Variants in SUMF1 observed in about 807,000 individuals in gnomAD.
SUMF1 encodes the protein sulfatase modifying factor 1, also known as formylglycine-generating enzyme.
In SUMF1, 48 loss-of-function variants were observed where a neutral mutation model predicts 47.6. That is an observed-to-expected ratio of 1.01 (90% confidence interval 0.80 to 1.28). The LOEUF is 1.28. SUMF1 is among the 50% of genes most tolerant of loss of function. SUMF1 has a pLI of 0.00. For synonymous variants in SUMF1, 230 were observed against 192.1 expected, an observed-to-expected ratio of 1.20 and a Z score of -1.63; for missense variants, 571 against 485.4, an observed-to-expected ratio of 1.18 and a Z score of -1.66.
intron 8 of SUMF1, among the ~76,000 whole-genome samples, chr3:4,305,757 C>T (rs1223115460): frequency 6.6e-6 from 1 of 152,096 alleles, no homozygotes. Context: ...AGGCATGACT[C>T]CCCAGGTGCC....
At chr3:4,403,849 TC>T (rs1470768423) in intron 7 of SUMF1, among the ~76,000 whole-genome samples, 1 of 152,156 alleles carries the variant, frequency 6.6e-6, no homozygotes, top group Non-Finnish European at 1.5e-5. Context: ...AGAGGAGGTT[TC>T]CATTTCCCAC....
At chr3:4,464,860 T>C (rs1007545519) in intron 1 of SUMF1, among the ~76,000 whole-genome samples, 1 of 152,240 alleles carries the variant, frequency 6.6e-6, no homozygotes, top group African/African-American at 2.4e-5. Flanking sequence ...ACTAATTTGT[T>C]AATAAATTGA....
At chr3:4,227,325 C>T (rs2124978074) in intron 8 of SUMF1, among the ~76,000 whole-genome samples, 1 of 152,182 alleles carries the variant, frequency 6.6e-6, no homozygotes, top group East Asian at 1.9e-4. Flanking sequence ...GGATCGCCAC[C>T]CTGCAGAAGC....
chr3:4,412,078 G>A (rs540184563), intron 6 of SUMF1, among the ~76,000 whole-genome samples: 1 of 152,338 alleles, frequency 6.6e-6, no homozygotes, highest in East Asian at 1.9e-4. Context: ...TAATCTGGAT[G>A]AGTTGGAAAG....
intron 7 of SUMF1, among the ~76,000 whole-genome samples, chr3:4,392,623 ATATATATATATATATATCTACC>A (rs1352495064): frequency 1.1e-5 from 1 of 91,786 alleles, no homozygotes; most frequent in Non-Finnish European, 3.2e-5. Context: ...GTGTATATAT[ATATATATATATATATATCTACC>A]TATATATATA....
chr3:4,190,036 T>G (rs1327653638), intron 8 of SUMF1, among the ~76,000 whole-genome samples: 2 of 152,284 alleles, frequency 1.3e-5, no homozygotes, highest in East Asian at 3.9e-4. Context: ...CCAATTTAAC[T>G]TTTCCAAATA....
At chr3:4,291,503 T>C (rs1182095382) in intron 8 of SUMF1, among the ~76,000 whole-genome samples, 1 of 152,176 alleles carries the variant, frequency 6.6e-6, no homozygotes, top group Non-Finnish European at 1.5e-5. Context: ...ATGCCTCACT[T>C]TGTTCCAGAA....
intron 8 of SUMF1, among the ~76,000 whole-genome samples, chr3:4,253,562 A>G (rs1181569620): frequency 1.3e-4 from 19 of 151,038 alleles, no homozygotes; most frequent in South Asian, 6.3e-4. Flanking sequence ...ACCGGCTTAA[A>G]AAACGGCGCA....
At chr3:4,454,682 A>T (rs1341634658) in intron 1 of SUMF1, among the ~76,000 whole-genome samples, 1 of 152,240 alleles carries the variant, frequency 6.6e-6, no homozygotes, top group Non-Finnish European at 1.5e-5. Flanking sequence ...ATCCAAATGT[A>T]TATCAGCTGA....
chr3:4,335,680 C>T (rs1413450887), intron 8 of SUMF1, among the ~76,000 whole-genome samples: 1 of 152,128 alleles, frequency 6.6e-6, no homozygotes, highest in African/African-American at 2.4e-5. Context: ...CACAGTGGCT[C>T]ACACCTGTAA....
chr3:4,194,017 A>C (rs939349708), intron 8 of SUMF1, among the ~76,000 whole-genome samples: 2 of 152,162 alleles, frequency 1.3e-5, no homozygotes, highest in Non-Finnish European at 2.9e-5. Flanking sequence ...AGTAATTTTT[A>C]ATGCAGTCCA....
At chr3:4,113,918 G>T (rs1338998525) in intron 8 of SUMF1, among the ~76,000 whole-genome samples, 1 of 152,094 alleles carries the variant, frequency 6.6e-6, no homozygotes, top group African/African-American at 2.4e-5. Context: ...CCTTTAGATA[G>T]TGGTAATATG....
chr3:4,452,972 C>T lies in SUMF1; in HGVS notation c.348G>A (p.Ala116=), dbSNP rs774360387. Residue 116 remains alanine (A), a synonymous_variant, in exon 2 of 9, where the codon GCG becomes GCA. Coordinates refer to ENST00000272902, the MANE Select transcript of SUMF1 (RefSeq NM_182760.4). ...PQIKQDGEAP[A]RRVTIDAFYM... Reference sequence around the variant, plus strand: ...AAAAGGCATCAATAGTAACTCTCCTCGCAGGTGCTTCCCCATCCTGCTTTA... The same window carrying T: ...AAAAGGCATCAATAGTAACTCTCCTTGCAGGTGCTTCCCCATCCTGCTTTA... 4.3e-6 allele frequency: 7 copies of T among 1,614,152 alleles called. No individual in the cohort carries two copies. The highest frequency in any genetic ancestry group is 5.9e-6 in the Non-Finnish European group (7 of 1,180,040).
chr3:4,144,161 C>CT (rs1694141306), intron 8 of SUMF1, among the ~76,000 whole-genome samples: 1 of 151,742 alleles, frequency 6.6e-6, no homozygotes, highest in Admixed American at 6.6e-5. Context: ...GAGACGGGGT[C>CT]TTACCACGTG....
At chr3:4,079,147 A>G (rs1400100622) in intron 8 of SUMF1, among the ~76,000 whole-genome samples, 1 of 152,128 alleles carries the variant, frequency 6.6e-6, no homozygotes, top group Non-Finnish European at 1.5e-5. Context: ...CGCGAATTCA[A>G]GATCAGCCCA....
chr3:4,364,948 G>T (rs1423258567), intron 8 of SUMF1, among the ~76,000 whole-genome samples: 1 of 151,754 alleles, frequency 6.6e-6, no homozygotes, highest in Non-Finnish European at 1.5e-5. Flanking sequence ...TGGTTTCAAA[G>T]AACATCTTTA....
intron 8 of SUMF1, among the ~76,000 whole-genome samples, chr3:4,211,302 T>C (rs1695789129): frequency 6.7e-6 from 1 of 148,804 alleles, no homozygotes. Context: ...TTAGTTATTT[T>C]TCCTGATCCT....
intron 8 of SUMF1, among the ~76,000 whole-genome samples, chr3:4,301,345 G>A (rs1559209024): frequency 6.6e-6 from 1 of 152,202 alleles, no homozygotes; most frequent in Non-Finnish European, 1.5e-5. Context: ...AATAGGTAAA[G>A]TCTGGGTCCT....
At chr3:4,357,610 T>C (rs1477657872), downstream of SUMF1, among the ~76,000 whole-genome samples, 1 of 150,074 alleles carries the variant, frequency 6.7e-6, no homozygotes, top group African/African-American at 2.5e-5. Context: ...TATTTATTTA[T>C]TTATTTATTT....
Sources: allele counts gnomAD v4.1 joint callset (sites outside exome capture counted in the v4.1 genomes callset), GRCh38; gene constraint gnomAD v4.1.1; transcripts MANE v1.5; gene names NCBI Gene and HGNC (gene_info 2026-07-23, HGNC 2026-07-21).